The following TRIM71 variants were observed in gnomAD, a reference collection of about 807,000 sequenced individuals.
TRIM71 encodes tripartite motif containing 71, also known as E3 ubiquitin-protein ligase TRIM71.
Under a neutral mutation model 61.2 loss-of-function variants are expected in TRIM71, and 9 were observed. The observed-to-expected ratio is 0.15, with a 90% CI of 0.09 to 0.26. TRIM71 has a LOEUF of 0.26. TRIM71 is among the 10% of genes least tolerant of loss of function. TRIM71 has a pLI of 1.00. For synonymous variants in TRIM71, 645 were observed against 553.2 expected (o/e 1.17, Z -2.33); for missense variants, 998 against 1,238.7 (o/e 0.81, Z 2.92).
chr3:32,852,235 C>T (rs923289290), intron 1 of TRIM71, among the ~76,000 whole-genome samples: 3 of 151,972 alleles, frequency 2.0e-5, no homozygotes, highest in Non-Finnish European at 4.4e-5. Flanking sequence ...ACTGGAGCGC[C>T]GGAGGCACAT....
In TRIM71 at chr3:32,892,983, C is replaced by G. The variant is rs1208160641; in HGVS notation, c.*1172C>G. ...TGTTGTTCTGTAGTGCTAGGGGTTT[C>G]TTTTCCTAAGAAGAGTAGGCAAAGG... On this transcript the variant is annotated 3_prime_UTR_variant, in exon 4 of 4. Transcript: ENST00000383763. 6.6e-6 allele frequency: 1 copy of G among 152,160 alleles called. No homozygotes were observed. The highest frequency in any genetic ancestry group is 6.5e-5 in the Admixed American group (1 of 15,280). The allele number at this position is 152,160 out of a possible 1,614,324, so 9.4% of individuals were successfully genotyped here.
rs576197659 is a variant in TRIM71, at chr3:32,839,828, G to A, written c.852+20896G>A. Among the ~76,000 whole-genome samples the A allele has an allele frequency of 4.6e-5, 7 of 152,146 alleles. No individual in the cohort carries two copies. The South Asian group carries it at 6.2e-4, about 14-fold the overall frequency. ...GGGCATTGAAGGTGGGGTGCTGCCC[G>A]GGGAAGAGGGTAGAAGAGCCACTTG... On this transcript the variant is annotated intron_variant, in intron 1 of 3. Coordinates refer to ENST00000383763, the MANE Select transcript of TRIM71 (RefSeq NM_001039111.3).
chr3:32,874,559 G>C (rs563300217), intron 2 of TRIM71, among the ~76,000 whole-genome samples: 468 of 151,964 alleles, frequency 3.1e-3, no homozygotes, highest in Middle Eastern at 0.01. Flanking sequence ...GTCTCACTCT[G>C]TTGCCCAGGC....
intron 1 of TRIM71, among the ~76,000 whole-genome samples, chr3:32,856,963 TCAGTGAGC>T (rs1475981601): frequency 1.3e-5 from 2 of 152,052 alleles, no homozygotes. Context: ...TGAAAACAGC[TCAGTGAGC>T]CAGCTTATCC....
intron 1 of TRIM71, among the ~76,000 whole-genome samples, chr3:32,820,780 AGAAGT>A (rs1330054097): frequency 6.6e-6 from 1 of 152,220 alleles, no homozygotes; most frequent in Non-Finnish European, 1.5e-5. Flanking sequence ...GTGTGAATTG[AGAAGT>A]GAAGCTCTCC....
chr3:32,863,471 A>G (rs1696696987), intron 1 of TRIM71, among the ~76,000 whole-genome samples: 1 of 152,018 alleles, frequency 6.6e-6, no homozygotes, highest in Admixed American at 6.6e-5. Flanking sequence ...TCGCATCAAG[A>G]TATAGATTTT....
At chr3:32,840,855 G>T (rs968004408) in intron 1 of TRIM71, among the ~76,000 whole-genome samples, 1 of 152,194 alleles carries the variant, frequency 6.6e-6, no homozygotes, top group Admixed American at 6.5e-5. Context: ...CATGCTTCTG[G>T]CCCTGAGTGG....
At chr3:32,883,436 C>T (rs929542925) in intron 2 of TRIM71, among the ~76,000 whole-genome samples, 4 of 152,358 alleles carry the variant, frequency 2.6e-5, no homozygotes, top group African/African-American at 7.2e-5. Context: ...TTTCCTCATC[C>T]TGGCTTTTGG....
At chr3:32,882,014 G>T (rs1352562292) in intron 2 of TRIM71, among the ~76,000 whole-genome samples, 1 of 152,172 alleles carries the variant, frequency 6.6e-6, no homozygotes, top group Non-Finnish European at 1.5e-5. Flanking sequence ...AGCAATTTTT[G>T]TCATAAAATG....
At chr3:32,868,503 A>G (rs1696762731) in intron 1 of TRIM71, among the ~76,000 whole-genome samples, 1 of 152,232 alleles carries the variant, frequency 6.6e-6, no homozygotes, top group African/African-American at 2.4e-5. Flanking sequence ...GTACATTCAT[A>G]TAGCAACATA....
chr3:32,858,138 ATC>A (rs1277618761), intron 1 of TRIM71, among the ~76,000 whole-genome samples: 1 of 152,106 alleles, frequency 6.6e-6, no homozygotes, highest in Non-Finnish European at 1.5e-5. Context: ...GTAGAAGAAA[ATC>A]TATGTATAAG....
At chr3:32,828,909 G>T (rs1411348405) in intron 1 of TRIM71, among the ~76,000 whole-genome samples, 1 of 151,960 alleles carries the variant, frequency 6.6e-6, no homozygotes, top group African/African-American at 2.4e-5. Context: ...TGAACTCTTG[G>T]CCTCAAGTGA....
At chr3:32,837,664 A>G (rs1405668572) in intron 1 of TRIM71, among the ~76,000 whole-genome samples, 1 of 152,106 alleles carries the variant, frequency 6.6e-6, no homozygotes, top group Non-Finnish European at 1.5e-5. Flanking sequence ...CTAAAAATAC[A>G]AAAAATTAGC....
intron 2 of TRIM71, among the ~76,000 whole-genome samples, chr3:32,881,370 C>A (rs1245010107): frequency 6.6e-6 from 1 of 152,162 alleles, no homozygotes; most frequent in South Asian, 2.1e-4. Context: ...CCAGTATGGT[C>A]GCCTACAAGT....
chr3:32,842,763 C>G (rs1013870614), intron 1 of TRIM71, among the ~76,000 whole-genome samples: 9 of 152,094 alleles, frequency 5.9e-5, no homozygotes, highest in Non-Finnish European at 1.3e-4. Context: ...TGATCCCCAT[C>G]TCCCCACCCC....
chr3:32,876,624 A>G (rs1371319116), intron 2 of TRIM71, among the ~76,000 whole-genome samples: 1 of 152,180 alleles, frequency 6.6e-6, no homozygotes, highest in Admixed American at 6.5e-5. Flanking sequence ...ACTGGTGTCT[A>G]GGTCTGAACT....
intron 1 of TRIM71, among the ~76,000 whole-genome samples, chr3:32,835,950 A>C (rs1696329792): frequency 6.6e-6 from 1 of 152,210 alleles, no homozygotes. Flanking sequence ...GCTACCCTGT[A>C]CTGACTTGCT....
chr3:32,818,232 C>G lies in TRIM71; in HGVS notation c.152C>G (p.Ala51Gly). 1 of 1,501,592 alleles carries G rather than the reference C, an allele frequency of 6.7e-7. No homozygotes were observed. Among genetic ancestry groups the G allele is most frequent in the Non-Finnish European group, 8.8e-7 (1 of 1,135,584 alleles). 93.0% of individuals were successfully genotyped at this position (1,501,592 alleles called of 1,614,324 possible). A position where few individuals can be genotyped will look rare whatever the true frequency, so the allele number is the denominator to read the frequency against. Residue 51 changes from alanine (A) to glycine (G), a missense_variant, in exon 1 of 4, where the codon GCG becomes GGG. Physicochemically the swap from Ala to Gly is moderately conservative, Grantham distance 60. Coordinates refer to ENST00000383763, the MANE Select transcript of TRIM71 (RefSeq NM_001039111.3). ...SSGGGGGGPG[A>G]AARRLHVLPC... ...GGGGGCGGCGGCGGGGGCCCTGGGG[C>G]GGCGGCGCGCCGCCTACACGTCCTG...
At position 32,818,203 on chromosome 3, in the gene TRIM71, G is replaced by A. The variant is rs1454883729; in HGVS notation, c.123G>A (p.Ser41=). The A allele has an allele frequency of 6.4e-7, 1 of 1,567,188 alleles. No individual in the cohort carries two copies. The change falls in exon 1 of 4, where the codon TCG becomes TCA. Residue 41 remains serine, a synonymous_variant. Transcript: ENST00000383763. ...ASSSSSQTST[S]SGGGGGGPGA... The stretch of plus-strand genomic sequence containing the variant: ...CGTCCTCCTCGCAGACGTCCACGTC[G>A]TCGGGGGGCGGCGGCGGGGGCCCTG...
Sources: allele counts gnomAD v4.1 joint callset (sites outside exome capture counted in the v4.1 genomes callset), GRCh38; gene constraint gnomAD v4.1.1; transcripts MANE v1.5; gene names NCBI Gene and HGNC (gene_info 2026-07-23, HGNC 2026-07-21).